CDH13: variants seen among roughly 807,000 people sequenced by gnomAD.
The protein encoded by CDH13 is cadherin 13.
Under a neutral mutation model 63.8 loss-of-function variants are expected in CDH13, and 24 were observed. The ratio of observed to expected loss-of-function variants is 0.38; its 90% CI spans 0.27 to 0.53. CDH13 has a LOEUF of 0.53. Among genes scored for constraint, CDH13 ranks in the 20% least tolerant of loss-of-function variants. The pLI, the probability that CDH13 is intolerant of heterozygous loss-of-function variation, is 0.85. For synonymous variants in CDH13, 503 were observed against 355.3 expected, an observed-to-expected ratio of 1.42 and a Z score of -4.67; for missense variants, 1,049 against 903.1, an observed-to-expected ratio of 1.16 and a Z score of -2.07.
chr16:83,485,516 C>T (rs1174666334), intron 6 of CDH13, among the ~76,000 whole-genome samples: 2 of 152,122 alleles, frequency 1.3e-5, no homozygotes, highest in Non-Finnish European at 2.9e-5. Context: ...CCTAAAATAA[C>T]ACGGCTGCTA....
chr16:83,554,415 A>G (rs74979405), intron 7 of CDH13, among the ~76,000 whole-genome samples: 8 of 152,328 alleles, frequency 5.3e-5, no homozygotes, highest in Non-Finnish European at 8.8e-5. Context: ...AGGCAACGAT[A>G]AGTAGGCAAT....
chr16:83,175,817 C>G lies in CDH13; in HGVS notation c.484-41528C>G, dbSNP rs562211095. Among the ~76,000 whole-genome samples the G allele has an allele frequency of 1.8e-4, 25 of 140,038 alleles. 1 individual carries two copies. The South Asian group carries it at 5.6e-3, about 32-fold the overall frequency. The allele number at this position is 140,038 out of a possible 152,430, so 91.9% of individuals were successfully genotyped here. ...CATAATATACATACTGTTTTTTCAA[C>G]CTGCTTTTTTTTTTTTTTTTTTTTT... is the stretch of plus-strand genomic sequence containing the variant. On this transcript the variant is annotated intron_variant, in intron 4 of 13. Transcript: ENST00000567109.
intron 7 of CDH13, among the ~76,000 whole-genome samples, chr16:83,551,898 G>T (rs112389667): frequency 1.1e-4 from 17 of 152,148 alleles, no homozygotes; most frequent in Non-Finnish European, 2.1e-4. Flanking sequence ...TTAGTTGAAA[G>T]AAAAAATGGA....
chr16:83,208,168 T>C (rs2039236946), intron 4 of CDH13, among the ~76,000 whole-genome samples: 1 of 152,190 alleles, frequency 6.6e-6, no homozygotes, highest in Non-Finnish European at 1.5e-5. Flanking sequence ...TCTCAGTGGA[T>C]TGCGAGAACT....
rs554729228 is a variant in CDH13, at chr16:83,174,571, A to T, written c.484-42774A>T. 5.9e-5 allele frequency among the ~76,000 whole-genome samples: 9 copies of T among 152,126 alleles called. No individual in the cohort carries two copies. The East Asian group carries it at 1.7e-3, about 29-fold the overall frequency. On this transcript the variant is annotated intron_variant, in intron 4 of 13. Coordinates refer to ENST00000567109, the MANE Select transcript of CDH13 (RefSeq NM_001257.5). ...AGCTCAATTCAGGTTCCAAACCTGC[A>T]CTGTCCAGTTAGGTAGCCACTAGCC...
chr16:83,390,227 A>G (rs755491445), intron 6 of CDH13, among the ~76,000 whole-genome samples: 6 of 152,136 alleles, frequency 3.9e-5, no homozygotes, highest in Non-Finnish European at 8.8e-5. Flanking sequence ...GAATGCATAC[A>G]TTATGGGGTC....
intron 1 of CDH13, among the ~76,000 whole-genome samples, chr16:82,659,338 T>C (rs1242175255): frequency 6.6e-6 from 1 of 152,000 alleles, no homozygotes; most frequent in Non-Finnish European, 1.5e-5. Flanking sequence ...TAGGTATAGG[T>C]CATAATCCTG....
chr16:83,024,844 C>T (rs1264996017), intron 2 of CDH13, among the ~76,000 whole-genome samples: 1 of 152,170 alleles, frequency 6.6e-6, no homozygotes, highest in Non-Finnish European at 1.5e-5. Context: ...TATCGTTTTT[C>T]CTTCACAACT....
intron 4 of CDH13, among the ~76,000 whole-genome samples, chr16:83,142,154 G>GTTTTTTT (rs1010118688): frequency 1.8e-5 from 2 of 113,624 alleles, no homozygotes; most frequent in African/African-American, 6.5e-5. Flanking sequence ...TTGTTTGTTT[G>GTTTTTTT]TTTTTGTTTT....
intron 1 of CDH13, among the ~76,000 whole-genome samples, chr16:82,739,493 G>A (rs1189142080): frequency 6.6e-6 from 1 of 152,186 alleles, no homozygotes; most frequent in African/African-American, 2.4e-5. Flanking sequence ...AGAAGACCAA[G>A]TAACAGTTTA....
chr16:83,419,974 G>T (rs187394963), intron 6 of CDH13, among the ~76,000 whole-genome samples: 29 of 151,060 alleles, frequency 1.9e-4, no homozygotes, highest in Admixed American at 1.7e-3. Context: ...TATATGCATA[G>T]ATTTTAGCTT....
intron 10 of CDH13, among the ~76,000 whole-genome samples, chr16:83,697,606 G>A (rs1259330551): frequency 6.6e-6 from 1 of 152,102 alleles, no homozygotes; most frequent in Middle Eastern, 3.4e-3. Context: ...TGACAAAAAT[G>A]TTGTGACCAG....
chr16:82,734,845 T>C (rs1334734303), intron 1 of CDH13, among the ~76,000 whole-genome samples: 1 of 152,180 alleles, frequency 6.6e-6, no homozygotes, highest in Non-Finnish European at 1.5e-5. Flanking sequence ...TGGGTGATTG[T>C]TGAGAAGCTG....
At chr16:83,646,997 C>T (rs1397096419) in intron 8 of CDH13, among the ~76,000 whole-genome samples, 3 of 152,054 alleles carry the variant, frequency 2.0e-5, no homozygotes, top group African/African-American at 7.2e-5. Context: ...CAGGCTTTCT[C>T]TCTCCCCTGG....
intron 7 of CDH13, among the ~76,000 whole-genome samples, chr16:83,581,727 G>A (rs1905622891): frequency 6.6e-6 from 1 of 152,212 alleles, no homozygotes; most frequent in African/African-American, 2.4e-5. Context: ...ACTGAGGTGG[G>A]AGGATCACTT....
chr16:82,879,305 A>G (rs912889610), intron 2 of CDH13, among the ~76,000 whole-genome samples: 8 of 151,844 alleles, frequency 5.3e-5, no homozygotes, highest in African/African-American at 1.2e-4. Flanking sequence ...CACTGAAGGA[A>G]AATCTGAGGC....
At chr16:83,301,491 C>G (rs965775461) in intron 5 of CDH13, among the ~76,000 whole-genome samples, 1 of 152,044 alleles carries the variant, frequency 6.6e-6, no homozygotes, top group Non-Finnish European at 1.5e-5. Context: ...GTGATGCTGC[C>G]ACATGTGTCA....
At chr16:83,061,832 C>G (rs1201324263) in intron 3 of CDH13, among the ~76,000 whole-genome samples, 1 of 152,192 alleles carries the variant, frequency 6.6e-6, no homozygotes, top group Non-Finnish European at 1.5e-5. Context: ...CGTAATTCAA[C>G]TTCAGATGGT....
chr16:82,683,110 C>T (rs1326541005), intron 1 of CDH13, among the ~76,000 whole-genome samples: 2 of 152,194 alleles, frequency 1.3e-5, no homozygotes, highest in East Asian at 1.9e-4. Flanking sequence ...AAACAGTCAT[C>T]AGTATCCAGT....
Sources: gnomAD v4.1 joint callset for allele counts (sites outside exome capture counted in the v4.1 genomes callset) on GRCh38, gnomAD v4.1.1 for gene constraint, MANE v1.5 for transcripts, NCBI Gene and HGNC (gene_info 2026-07-23, HGNC 2026-07-21) for gene names.